Variants in SPICE1 observed in about 807,000 individuals in gnomAD.
SPICE1 encodes spindle and centriole associated protein 1.
Under a neutral mutation model 102.7 loss-of-function variants are expected in SPICE1, and 75 were observed. The ratio of observed to expected loss-of-function variants is 0.73; its 90% CI spans 0.61 to 0.88. SPICE1 has a LOEUF of 0.88. SPICE1 is among the 40% of genes least tolerant of loss of function. The probability of loss-of-function intolerance (pLI) is 0.00; values close to 1 mark genes in which losing one functional copy is unlikely to be tolerated. For synonymous variants in SPICE1, 308 were observed against 350.3 expected (o/e 0.88, Z 1.35); for missense variants, 979 against 1,020.1 (o/e 0.96, Z 0.55).
intron 9 of SPICE1, 103 bp downstream of exon 9, chr3:113,468,659 C>T: frequency 7.5e-7 from 1 of 1,338,650 alleles, no homozygotes; most frequent in East Asian, 2.4e-5. Flanking sequence ...TCAGTTGGAA[C>T]CATGTGGATG....
intron 1 of SPICE1, among the ~76,000 whole-genome samples, chr3:113,510,262 A>G (rs1292547460): frequency 6.6e-6 from 1 of 152,202 alleles, no homozygotes; most frequent in Non-Finnish European, 1.5e-5. Flanking sequence ...ACAGAATTAG[A>G]AAAAACTATT....
intron 7 of SPICE1, among the ~76,000 whole-genome samples, chr3:113,471,546 A>C (rs79549960): frequency 0.059 from 9,050 of 152,168 alleles, 344 homozygotes; most frequent in African/African-American, 0.1. Flanking sequence ...GGATTTCTGG[A>C]CCCCAGAACT....
At chr3:113,498,533 C>G (rs1936945087) in intron 4 of SPICE1, among the ~76,000 whole-genome samples, 1 of 152,194 alleles carries the variant, frequency 6.6e-6, no homozygotes, top group Non-Finnish European at 1.5e-5. Context: ...CCAAAAGATA[C>G]TTACCTGTAA....
chr3:113,482,279 T>A (rs765751971), intron 7 of SPICE1, among the ~76,000 whole-genome samples: 3 of 152,302 alleles, frequency 2.0e-5, no homozygotes, highest in Non-Finnish European at 4.4e-5. Context: ...TGTAAATTTG[T>A]TTAAGTTCTT....
intron 1 of SPICE1, among the ~76,000 whole-genome samples, chr3:113,507,386 G>T (rs1937133065): frequency 6.6e-6 from 1 of 152,046 alleles, no homozygotes; most frequent in Non-Finnish European, 1.5e-5. Flanking sequence ...TACTATTGCA[G>T]ACACTTTTAA....
chr3:113,512,133 C>G (rs1000599733), intron 1 of SPICE1, among the ~76,000 whole-genome samples: 6 of 152,176 alleles, frequency 3.9e-5, no homozygotes, highest in Non-Finnish European at 8.8e-5. Flanking sequence ...AGCAAAGAAT[C>G]TAACTAAGCC....
chr3:113,503,883 A>AGATTGT (rs201649040), intron 2 of SPICE1, among the ~76,000 whole-genome samples: 4,216 of 151,298 alleles, frequency 0.028, 98 homozygotes, highest in East Asian at 0.081. Flanking sequence ...CAGTGAGCCA[A>AGATTGT]GATTGTGCCA....
intron 10 of SPICE1, 109 bp downstream of exon 10, chr3:113,468,030 G>T: frequency 7.1e-7 from 1 of 1,399,202 alleles, no homozygotes; most frequent in Non-Finnish European, 9.7e-7. Flanking sequence ...TTTAAACGAA[G>T]CTATTCAAAT....
chr3:113,476,507 AG>A (rs1936351359), intron 7 of SPICE1, among the ~76,000 whole-genome samples: 1 of 147,002 alleles, frequency 6.8e-6, no homozygotes, highest in Non-Finnish European at 1.5e-5. Flanking sequence ...ACAAAGCTGG[AG>A]GCATCATGCT....
chr3:113,481,603 T>C (rs1240210163), intron 7 of SPICE1, among the ~76,000 whole-genome samples: 3 of 151,822 alleles, frequency 2.0e-5, no homozygotes, highest in African/African-American at 2.4e-5. Flanking sequence ...GTGTGTGATG[T>C]TCCCCTCCCT....
At chr3:113,452,490 C>T (rs1342589055) in intron 14 of SPICE1, among the ~76,000 whole-genome samples, 2 of 151,120 alleles carry the variant, frequency 1.3e-5, no homozygotes, top group African/African-American at 4.9e-5. Context: ...TCGAGACCAG[C>T]CTGGCCAACA....
intron 7 of SPICE1, among the ~76,000 whole-genome samples, chr3:113,483,514 T>C (rs1014677952): frequency 1.3e-5 from 2 of 152,042 alleles, no homozygotes; most frequent in African/African-American, 4.8e-5. Context: ...TGGCTGTGGG[T>C]TGGTCACAAA....
Position 113,445,163 on chromosome 3 carries a change from G to T in SPICE1, c.*144C>A. On this transcript the variant is annotated 3_prime_UTR_variant, in exon 18 of 18. Transcript: ENST00000295872. ...TATTTGAGAAAGTCAAAAAATAATT[G>T]CTTTATTTCTCTGTTTCATTAGTAC... 3.6e-6 allele frequency: 2 copies of T among 554,950 alleles called. No homozygotes were observed. Among genetic ancestry groups the T allele is most frequent in the Non-Finnish European group, 3.0e-6 (1 of 334,856 alleles). The allele number at this position is 554,950 out of a possible 1,614,324, so 34.4% of individuals were successfully genotyped here. A position where few individuals can be genotyped will look rare whatever the true frequency, so the allele number is the denominator to read the frequency against.
At chr3:113,486,976 G>C (rs1202630366) in intron 7 of SPICE1, among the ~76,000 whole-genome samples, 3 of 151,664 alleles carry the variant, frequency 2.0e-5, no homozygotes, top group Non-Finnish European at 4.4e-5. Context: ...ACGGGAACTA[G>C]TTAGAAGGGA....
In SPICE1 at chr3:113,494,074, T is replaced by A. The variant is rs770437049; in HGVS notation, c.360A>T (p.Lys120Asn). ...EKSDHLIAAAKELFPRRRTGF... is the reference protein window; with the variant it reads ...EKSDHLIAAANELFPRRRTGF... ...CTGTGCGCCTACGAGGAAACAGCTC[T>A]TTTGCTGCAGCTATTAGATGATCAG... Residue 120 changes from lysine (K) to asparagine (N), a missense_variant, in exon 5 of 18, where the codon AAA (lysine) becomes AAT (asparagine). Transcript: ENST00000295872. The A allele has an allele frequency of 1.9e-6, 3 of 1,612,346 alleles. No homozygotes were observed. Among genetic ancestry groups the A allele is most frequent in the Non-Finnish European group, 2.5e-6 (3 of 1,179,644 alleles).
chr3:113,470,166 G>C (rs1321571075), intron 7 of SPICE1, among the ~76,000 whole-genome samples: 2 of 152,166 alleles, frequency 1.3e-5, no homozygotes, highest in African/African-American at 4.8e-5. Context: ...TTCTTCTGGA[G>C]GCTTAGTATA....
At chr3:113,475,819 G>T (rs1285440264) in intron 7 of SPICE1, among the ~76,000 whole-genome samples, 1 of 152,172 alleles carries the variant, frequency 6.6e-6, no homozygotes, top group East Asian at 1.9e-4. Context: ...CAAACCCACA[G>T]CCAATATCAT....
rs1205402886 is a variant in SPICE1 at position 113,500,706 on chromosome 3, T to TA, written c.148-1125dup. Reference sequence around the variant, plus strand: ...AGTACATAGTAGTTATTTCTATTTTTATCTCCATTTTCCCTTGAGTTTGAA... The same window carrying TA: ...AGTACATAGTAGTTATTTCTATTTTTAATCTCCATTTTCCCTTGAGTTTGAA... On this transcript the variant is annotated intron_variant, in intron 3 of 17. Transcript: ENST00000295872. Among the ~76,000 whole-genome samples the TA allele has an allele frequency of 2.0e-5, 3 of 152,214 alleles. No homozygotes were observed. In the East Asian group the frequency reaches 5.8e-4, roughly 29 times the overall value.
chr3:113,484,256 A>G (rs1217883811), intron 7 of SPICE1, among the ~76,000 whole-genome samples: 1 of 151,846 alleles, frequency 6.6e-6, no homozygotes, highest in East Asian at 1.9e-4. Context: ...TATTGTGTCT[A>G]TTTGATTCTT....
Sources: gnomAD v4.1 joint callset for allele counts (sites outside exome capture counted in the v4.1 genomes callset) on GRCh38, gnomAD v4.1.1 for gene constraint, MANE v1.5 for transcripts, NCBI Gene and HGNC (gene_info 2026-07-23, HGNC 2026-07-21) for gene names.